Variants in ANK3 observed in about 807,000 individuals in gnomAD.
ANK3 encodes the protein ankyrin-3.
In ANK3, 57 loss-of-function variants were observed where a neutral mutation model predicts 370.9. The ratio of observed to expected loss-of-function variants is 0.15; its 90% confidence interval spans 0.12 to 0.19. The LOEUF is 0.19. Ranked by LOEUF, ANK3 falls within the 10% of genes least tolerant of loss-of-function variation. The pLI is 1.00. For synonymous variants in ANK3, 1,929 were observed against 1,946.3 expected, an observed-to-expected ratio of 0.99 and a Z score of 0.23; for missense variants, 4,439 against 5,302.1, an observed-to-expected ratio of 0.84 and a Z score of 5.06.
intron 2 of ANK3, among the ~76,000 whole-genome samples, chr10:60,428,991 A>C (rs2063952513): frequency 6.6e-6 from 1 of 151,176 alleles, no homozygotes; most frequent in Non-Finnish European, 1.5e-5. Flanking sequence ...GTTATTGGAT[A>C]ATATAAATAA....
intron 23 of ANK3, among the ~76,000 whole-genome samples, chr10:60,150,428 T>C (rs534755636): frequency 1.2e-4 from 18 of 152,192 alleles, no homozygotes; most frequent in Non-Finnish European, 2.5e-4. Context: ...TTGAGGTCTT[T>C]AATAATCTCC....
chr10:60,231,446 G>C (rs2097243760), intron 8 of ANK3, among the ~76,000 whole-genome samples: 1 of 152,150 alleles, frequency 6.6e-6, no homozygotes, highest in Non-Finnish European at 1.5e-5. Context: ...CAGATTTATT[G>C]AATGCAAGCA....
chr10:60,477,339 A>G (rs780962510), intron 2 of ANK3, among the ~76,000 whole-genome samples: 7 of 152,112 alleles, frequency 4.6e-5, no homozygotes, highest in Non-Finnish European at 8.8e-5. Flanking sequence ...AAGTCCAAAT[A>G]CCTGAATTAT....
rs954120167 is a variant in ANK3 at position 60,380,966 on chromosome 10, C to T, written c.114+8459G>A. 3.3e-5 allele frequency among the ~76,000 whole-genome samples: 5 copies of T among 152,102 alleles called. No homozygotes were observed. The East Asian group carries it at 7.7e-4, about 23-fold the overall frequency. Reference sequence around the variant, plus strand: ...GGAATCCGCCGATAAAGGAAGACAGCCACTGGGCCACCTTAGGTTCAGAAA... The same window carrying T: ...GGAATCCGCCGATAAAGGAAGACAGTCACTGGGCCACCTTAGGTTCAGAAA... On this transcript the variant is annotated intron_variant, in intron 1 of 43. Coordinates refer to ENST00000280772, the MANE Select transcript of ANK3 (RefSeq NM_020987.5).
At chr10:60,676,041 T>A (rs1038458732) in intron 1 of ANK3, among the ~76,000 whole-genome samples, 3 of 152,164 alleles carry the variant, frequency 2.0e-5, no homozygotes, top group African/African-American at 7.2e-5. Context: ...AATATTCCAC[T>A]TTTTCTACCT....
chr10:60,586,049 C>CAA (rs140584665), intron 2 of ANK3, among the ~76,000 whole-genome samples: 17 of 149,402 alleles, frequency 1.1e-4, no homozygotes, highest in African/African-American at 3.2e-4. Context: ...AACAAACAAA[C>CAA]AAAAAAAAGA....
Position 60,226,523 on chromosome 10 carries a change from CTATAGTA to C in ANK3, c.897+8158_897+8164del, listed in dbSNP as rs2097155815. Reference sequence around the variant, plus strand: ...ATAGTATATATACATAGTATATATACTATAGTATATATACATAGTATATATACTATAG... The same window carrying C: ...ATAGTATATATACATAGTATATATACTATATACATAGTATATATACTATAG... On this transcript the variant is annotated intron_variant, in intron 8 of 43. Transcript: ENST00000280772. 3.7e-5 allele frequency among the ~76,000 whole-genome samples: 2 copies of C among 53,930 alleles called. 1 individual carries two copies. The highest frequency in any genetic ancestry group is 5.9e-5 in the Non-Finnish European group (2 of 33,854). The allele number at this position is 53,930 out of a possible 152,430, so 35.4% of individuals were successfully genotyped here.
At chr10:60,515,479 C>A (rs1350783923) in intron 2 of ANK3, among the ~76,000 whole-genome samples, 1 of 152,042 alleles carries the variant, frequency 6.6e-6, no homozygotes, top group Non-Finnish European at 1.5e-5. Context: ...AATAAGTTTT[C>A]AAAATAAAGC....
intron 42 of ANK3, chr10:60,043,234 A>G (rs2393608): frequency 0.77 from 760,593 of 985,758 alleles, 293,862 homozygotes; most frequent in East Asian, 0.83. Context: ...TCTATTTTGC[A>G]TAAACAAATC....
At chr10:60,543,984 G>A (rs1007636513) in intron 2 of ANK3, among the ~76,000 whole-genome samples, 3 of 152,010 alleles carry the variant, frequency 2.0e-5, no homozygotes, top group African/African-American at 7.2e-5. Context: ...CTTTCAATAA[G>A]AATGTAAACT....
chr10:60,519,193 T>TA (rs1042781214), intron 2 of ANK3, among the ~76,000 whole-genome samples: 1 of 152,058 alleles, frequency 6.6e-6, no homozygotes, highest in Non-Finnish European at 1.5e-5. Context: ...GGTGAGACAT[T>TA]AAAGAATGAC....
At chr10:60,218,730 A>G (rs117851781) in intron 8 of ANK3, among the ~76,000 whole-genome samples, 4,105 of 151,526 alleles carry the variant, frequency 0.027, 92 homozygotes, top group Non-Finnish European at 0.042. Flanking sequence ...TCCTTCATTT[A>G]GACCTTGGAG....
At chr10:60,033,428 T>C (rs1223113267) in intron 43 of ANK3, among the ~76,000 whole-genome samples, 1 of 149,294 alleles carries the variant, frequency 6.7e-6, no homozygotes, top group African/African-American at 2.5e-5. Context: ...GGCAGGAGAA[T>C]TGCTTGAACC....
intron 1 of ANK3, among the ~76,000 whole-genome samples, chr10:60,640,423 C>T (rs1208796356): frequency 7.0e-6 from 1 of 143,744 alleles, no homozygotes; most frequent in South Asian, 2.5e-4. Flanking sequence ...AGCAGCACAT[C>T]AAAAAGCTTA....
At chr10:60,233,857 T>C (rs972157387) in intron 8 of ANK3, among the ~76,000 whole-genome samples, 1 of 152,212 alleles carries the variant, frequency 6.6e-6, no homozygotes, top group Non-Finnish European at 1.5e-5. Flanking sequence ...TCTCTAGAAC[T>C]TTTTCATCTT....
intron 2 of ANK3, among the ~76,000 whole-genome samples, chr10:60,594,215 C>T (rs2077956379): frequency 6.6e-6 from 1 of 152,174 alleles, no homozygotes; most frequent in Non-Finnish European, 1.5e-5. Flanking sequence ...ACCTACCTTT[C>T]TATATCTTTC....
At chr10:60,247,706 C>T (rs1468565765) in intron 7 of ANK3, among the ~76,000 whole-genome samples, 5 of 151,940 alleles carry the variant, frequency 3.3e-5, no homozygotes, top group Non-Finnish European at 7.4e-5. Context: ...TTCACTCTGC[C>T]GCCCAGGCTG....
In ANK3 at chr10:60,389,679, T is replaced by C. The variant is rs2062928073; in HGVS notation, c.-141A>G. 3 of 1,461,764 alleles carry C rather than the reference T, an allele frequency of 2.1e-6. No homozygotes were observed. Among genetic ancestry groups the C allele is most frequent in the Non-Finnish European group, 1.8e-6 (2 of 1,112,862 alleles). The allele number at this position is 1,461,764 out of a possible 1,614,324, so 90.5% of individuals were successfully genotyped here. ...ACTAGAAGCAGGAAGATATTCACAA[T>C]GCAAAGATGCTGGAGAAGCTGAAGC... On this transcript the variant is annotated 5_prime_UTR_variant, in exon 1 of 44. Transcript: ENST00000280772.
rs569576346 is a variant in ANK3 at position 60,349,457 on chromosome 10, T to C, written c.114+39968A>G. On this transcript the variant is annotated intron_variant, in intron 1 of 43. Transcript: ENST00000280772. ...GATAATCGGTTGATGCTAAGGAAGA[T>C]AACTGCTTAGTAAACAAATCCATGA... Among the ~76,000 whole-genome samples the C allele has an allele frequency of 2.3e-3, 355 of 152,258 alleles. 4 individuals are homozygous for C. The Middle Eastern group carries it at 0.051, about 22-fold the overall frequency.
Sources: allele counts gnomAD v4.1 joint callset (sites outside exome capture counted in the v4.1 genomes callset), GRCh38; gene constraint gnomAD v4.1.1; transcripts MANE v1.5; gene names NCBI Gene and HGNC (gene_info 2026-07-23, HGNC 2026-07-21).